The following RTN4RL1 variants were observed in gnomAD, a reference collection of about 807,000 sequenced individuals.
RTN4RL1 encodes reticulon 4 receptor like 1.
Under a neutral mutation model 25.6 loss-of-function variants are expected in RTN4RL1, and 7 were observed. The observed-to-expected ratio is 0.27, with a 90% confidence interval of 0.16 to 0.51. The LOEUF (loss-of-function observed/expected upper bound fraction) is 0.51, where lower values mean the gene tolerates loss of function less well. RTN4RL1 is among the 20% of genes least tolerant of loss of function. RTN4RL1 has a pLI of 0.97. For missense variants in RTN4RL1, 500 were observed against 615.6 expected, an observed-to-expected ratio of 0.81 and a Z score of 1.99; for synonymous variants, 297 against 288.2, an observed-to-expected ratio of 1.03 and a Z score of -0.31.
chr17:1,952,299 TG>T (rs1446018834), intron 1 of RTN4RL1, among the ~76,000 whole-genome samples: 1 of 149,098 alleles, frequency 6.7e-6, no homozygotes, highest in African/African-American at 2.5e-5. Context: ...GAAACGGGGC[TG>T]GACTTGGAGG....
At chr17:1,944,601 T>C (rs1353585977) in intron 1 of RTN4RL1, among the ~76,000 whole-genome samples, 1 of 152,018 alleles carries the variant, frequency 6.6e-6, no homozygotes, top group Non-Finnish European at 1.5e-5. Context: ...GGATTACAGG[T>C]GCCCACCACC....
intron 1 of RTN4RL1, among the ~76,000 whole-genome samples, chr17:2,013,692 T>C (rs991732298): frequency 1.8e-5 from 2 of 112,076 alleles, no homozygotes; most frequent in African/African-American, 7.3e-5. Context: ...TGTCTCACCC[T>C]GGAACATAAA....
chr17:2,014,118 G>A lies in RTN4RL1; in HGVS notation c.13+10735C>T, dbSNP rs74603176. Among the ~76,000 whole-genome samples the A allele has an allele frequency of 4.7e-3, 713 of 152,258 alleles. 7 individuals are homozygous for A. The highest frequency in any genetic ancestry group is 0.016 in the African/African-American group (673 of 41,528). On this transcript the variant is annotated intron_variant, in intron 1 of 1. Transcript: ENST00000331238. ...TGGGAAAATCTTTCAGTAACCTTTT[G>A]GGAGGGACACCCAGTGCCCATGGGG...
At chr17:2,009,124 C>T (rs2151325430) in intron 1 of RTN4RL1, among the ~76,000 whole-genome samples, 1 of 152,286 alleles carries the variant, frequency 6.6e-6, no homozygotes, top group African/African-American at 2.4e-5. Context: ...AAAGACAAGG[C>T]TGTGCCCAGA....
At chr17:1,958,049 C>T (rs995533197) in intron 1 of RTN4RL1, among the ~76,000 whole-genome samples, 1 of 151,538 alleles carries the variant, frequency 6.6e-6, no homozygotes, top group African/African-American at 2.4e-5. Context: ...AAAAATTAGC[C>T]CGGCATGTCA....
chr17:1,944,214 C>G (rs528005724), intron 1 of RTN4RL1, among the ~76,000 whole-genome samples: 1 of 151,654 alleles, frequency 6.6e-6, no homozygotes, highest in African/African-American at 2.4e-5. Context: ...GCCCTGGATC[C>G]TCAACTTAAC....
chr17:1,988,107 AGAAAAAAAG>A (rs967411007), intron 1 of RTN4RL1, among the ~76,000 whole-genome samples: 9 of 150,990 alleles, frequency 6.0e-5, no homozygotes, highest in South Asian at 2.1e-4. Context: ...ACTCCATCTC[AGAAAAAAAG>A]GAAAAAAAGG....
At chr17:1,993,525 TTTTTG>T (rs895094310) in intron 1 of RTN4RL1, among the ~76,000 whole-genome samples, 1 of 152,178 alleles carries the variant, frequency 6.6e-6, no homozygotes, top group Non-Finnish European at 1.5e-5. Flanking sequence ...ATTTATGAGT[TTTTTG>T]TTTTGTTTTG....
chr17:2,003,908 T>G (rs2066975636), intron 1 of RTN4RL1, among the ~76,000 whole-genome samples: 1 of 151,720 alleles, frequency 6.6e-6, no homozygotes, highest in African/African-American at 2.4e-5. Context: ...TGGTCTTTAC[T>G]AAAAATACAA....
At chr17:1,992,580 C>T (rs1308915811) in intron 1 of RTN4RL1, among the ~76,000 whole-genome samples, 3 of 152,148 alleles carry the variant, frequency 2.0e-5, no homozygotes, top group Admixed American at 6.5e-5. Flanking sequence ...TTATTATTAT[C>T]GCTGTTGTGA....
At chr17:1,959,965 A>G (rs907806123) in intron 1 of RTN4RL1, among the ~76,000 whole-genome samples, 3 of 152,102 alleles carry the variant, frequency 2.0e-5, no homozygotes, top group African/African-American at 7.2e-5. Flanking sequence ...TGGCACTGCC[A>G]CGTTAGTATC....
chr17:1,973,365 TAAAAA>T (rs35165215), intron 1 of RTN4RL1, among the ~76,000 whole-genome samples: 4 of 124,810 alleles, frequency 3.2e-5, no homozygotes, highest in Non-Finnish European at 1.7e-5. Flanking sequence ...GACACTGTCT[TAAAAA>T]AAAAAAAAAA....
rs192080737 is a variant in RTN4RL1, at chr17:1,942,712, G to A, written c.14-4904C>T. On this transcript the variant is annotated intron_variant, in intron 1 of 1. Coordinates refer to ENST00000331238, the MANE Select transcript of RTN4RL1 (RefSeq NM_178568.4). ...CAAGTCCCTGCTTGCTGGTCAGGGA[G>A]CATGGGGGCAGCTCAGGCGGGTGGC... Among the ~76,000 whole-genome samples, 716 of 152,220 alleles carry A rather than the reference G, an allele frequency of 4.7e-3. 19 individuals carry two copies. The highest frequency in any genetic ancestry group is 0.043 in the Admixed American group (656 of 15,302).
intron 1 of RTN4RL1, among the ~76,000 whole-genome samples, chr17:1,962,927 T>C (rs907404032): frequency 1.4e-5 from 2 of 144,470 alleles, no homozygotes; most frequent in Non-Finnish European, 3.1e-5. Context: ...TTACAGATCA[T>C]TGCCAACTCT....
At chr17:2,005,068 C>T (rs373068584) in intron 1 of RTN4RL1, among the ~76,000 whole-genome samples, 1 of 152,302 alleles carries the variant, frequency 6.6e-6, no homozygotes, top group Middle Eastern at 3.4e-3. Context: ...TGCAGTGGCA[C>T]GATCTTAGCT....
At chr17:1,975,118 C>T (rs930201256) in intron 1 of RTN4RL1, among the ~76,000 whole-genome samples, 2 of 152,176 alleles carry the variant, frequency 1.3e-5, no homozygotes, top group African/African-American at 4.8e-5. Context: ...GGCTCTGATC[C>T]CAAAATGTAC....
chr17:1,961,241 T>G (rs1597496284), intron 1 of RTN4RL1, among the ~76,000 whole-genome samples: 1 of 147,000 alleles, frequency 6.8e-6, no homozygotes, highest in African/African-American at 2.5e-5. Context: ...AGGGGAGGAG[T>G]AACCAGGAAA....
At chr17:1,971,120 G>A (rs1251122282) in intron 1 of RTN4RL1, among the ~76,000 whole-genome samples, 1 of 152,134 alleles carries the variant, frequency 6.6e-6, no homozygotes, top group African/African-American at 2.4e-5. Context: ...ATCCCTTATT[G>A]TAATCTCCAT....
In RTN4RL1 at chr17:1,936,921, A is replaced by G; in HGVS notation, c.901T>C (p.Phe301Leu). ...QDLKLLRAEDFRNCTGPASPH... is the reference protein window; with the variant it reads ...QDLKLLRAEDLRNCTGPASPH... ...GACGCTGGTCCCGTGCAGTTCCGGAAGTCCTCGGCCCTCAGCAGCTTCAGG... is the reference window on the plus strand; with the variant it reads ...GACGCTGGTCCCGTGCAGTTCCGGAGGTCCTCGGCCCTCAGCAGCTTCAGG... The change falls in exon 2 of 2, where the codon TTC (phenylalanine) becomes CTC (leucine). Residue 301 changes from phenylalanine (F) to leucine (L), a missense_variant. Physicochemically the swap from Phe to Leu is conservative, Grantham distance 22 (BLOSUM62 0). Transcript: ENST00000331238. The G allele has an allele frequency of 6.2e-7, 1 of 1,610,590 alleles. No homozygotes were observed. Among genetic ancestry groups the G allele is most frequent in the Non-Finnish European group, 8.5e-7 (1 of 1,179,114 alleles).
Sources: allele counts gnomAD v4.1 joint callset (sites outside exome capture counted in the v4.1 genomes callset), GRCh38; gene constraint gnomAD v4.1.1; transcripts MANE v1.5; gene names NCBI Gene and HGNC (gene_info 2026-07-23, HGNC 2026-07-21).